The following AIG1 variants were observed in gnomAD, a reference collection of about 807,000 sequenced individuals.
AIG1 encodes the protein androgen induced 1, also known as androgen-induced gene 1 protein.
Under a neutral mutation model 31.4 loss-of-function variants are expected in AIG1, and 23 were observed. The ratio of observed to expected loss-of-function variants is 0.73; its 90% CI spans 0.53 to 1.04. AIG1 has a LOEUF of 1.04. Ranked by LOEUF, AIG1 falls within the 50% of genes least tolerant of loss-of-function variation. The pLI, the probability that AIG1 is intolerant of heterozygous loss-of-function variation, is 0.00. For missense variants in AIG1, 274 were observed against 295.0 expected (o/e 0.93, Z 0.52); for synonymous variants, 100 against 110.5 (o/e 0.90, Z 0.60).
intron 1 of AIG1, among the ~76,000 whole-genome samples, chr6:143,132,993 A>G (rs1440824012): frequency 6.6e-6 from 1 of 151,948 alleles, no homozygotes; most frequent in East Asian, 1.9e-4. Flanking sequence ...TATTTAATGC[A>G]CTTGTCTACC....
rs138191870 is a variant in AIG1 at position 143,325,973 on chromosome 6, C to T, written c.516-7309C>T. Among the ~76,000 whole-genome samples the T allele has an allele frequency of 1.8e-3, 276 of 152,224 alleles. No homozygotes were observed. Among genetic ancestry groups the T allele is most frequent in the Non-Finnish European group, 2.5e-3 (167 of 68,000 alleles). ...GCTACTGACCAACCAGCTTGCAAAC[C>T]ACCTAAAGATTTAACAACCAGCTCT... On this transcript the variant is annotated intron_variant, in intron 4 of 5. Coordinates refer to ENST00000357847, the MANE Select transcript of AIG1 (RefSeq NM_016108.4). The surrounding 1 kb of genome is among the most constrained non-coding windows in gnomAD (Gnocchi z 4.3).
At chr6:143,118,538 G>T (rs116038871) in intron 1 of AIG1, among the ~76,000 whole-genome samples, 2 of 151,798 alleles carry the variant, frequency 1.3e-5, no homozygotes, top group Non-Finnish European at 2.9e-5. Context: ...AAAAAATACC[G>T]AAAGATTGGA....
At position 143,280,652 on chromosome 6, in the gene AIG1, A is replaced by T. The variant is rs1197930643; in HGVS notation, c.400-3458A>T. On this transcript the variant is annotated intron_variant, in intron 3 of 5. Transcript: ENST00000357847. This position sits in a 1 kb window ranked among gnomAD's most constrained non-coding sequence, Gnocchi z 4.1. ...AACCAAACACCGCATGTTCTCACTT[A>T]TAAGTGGGAGCTAAATGATAAGAAC... 6.6e-6 allele frequency among the ~76,000 whole-genome samples: 1 copy of T among 152,220 alleles called. No homozygotes were observed. The highest frequency in any genetic ancestry group is 1.9e-4 in the East Asian group (1 of 5,200).
chr6:143,250,864 T>A (rs1794960196), intron 3 of AIG1, among the ~76,000 whole-genome samples: 1 of 152,186 alleles, frequency 6.6e-6, no homozygotes, highest in African/African-American at 2.4e-5. Flanking sequence ...CATTAGTGTA[T>A]TTTATGTGTG....
chr6:143,208,760 T>C (rs910261918), intron 3 of AIG1, among the ~76,000 whole-genome samples: 3 of 151,456 alleles, frequency 2.0e-5, no homozygotes, highest in Admixed American at 6.6e-5. Flanking sequence ...TTTTAGATAT[T>C]TTCCCCCCAG....
rs1364205852 is a variant in AIG1 at position 143,073,076 on chromosome 6, A to G, written c.141+12010A>G. ...CCTGGTAACCACTGTTTTGTTTTCT[A>G]TCTCTGTATATTTGAATTTTTTTTG... On this transcript the variant is annotated intron_variant, in intron 1 of 5. Transcript: ENST00000357847. Among the ~76,000 whole-genome samples, 6 of 152,024 alleles carry G rather than the reference A, an allele frequency of 3.9e-5. No homozygotes were observed. The East Asian group carries it at 9.7e-4, about 25-fold the overall frequency.
chr6:143,323,064 G>A (rs1018491195), intron 4 of AIG1, among the ~76,000 whole-genome samples: 1 of 152,072 alleles, frequency 6.6e-6, no homozygotes, highest in Non-Finnish European at 1.5e-5. Flanking sequence ...GGAAACTGAG[G>A]CTCAATGAAG....
intron 1 of AIG1, among the ~76,000 whole-genome samples, chr6:143,063,707 T>C (rs1308480612): frequency 6.6e-6 from 1 of 151,750 alleles, no homozygotes; most frequent in Non-Finnish European, 1.5e-5. Context: ...AAAATTGTAA[T>C]GTGAAGGCCC....
chr6:143,076,466 A>G (rs1292953653), intron 1 of AIG1, among the ~76,000 whole-genome samples: 1 of 152,112 alleles, frequency 6.6e-6, no homozygotes, highest in Non-Finnish European at 1.5e-5. Flanking sequence ...ACACATTTAA[A>G]GTGAATTTTT....
intron 1 of AIG1, among the ~76,000 whole-genome samples, chr6:143,079,479 G>A (rs1314438344): frequency 6.6e-6 from 1 of 152,134 alleles, no homozygotes; most frequent in Non-Finnish European, 1.5e-5. Flanking sequence ...AATTTTCAAA[G>A]TCCTCAGGCA....
intron 3 of AIG1, among the ~76,000 whole-genome samples, chr6:143,253,024 G>A (rs1298654258): frequency 6.6e-6 from 1 of 152,178 alleles, no homozygotes; most frequent in Non-Finnish European, 1.5e-5. Flanking sequence ...TCAAAGCCAA[G>A]GGAGGACACT....
At chr6:143,155,170 G>A (rs1279612092) in intron 2 of AIG1, among the ~76,000 whole-genome samples, 1 of 152,004 alleles carries the variant, frequency 6.6e-6, no homozygotes, top group Non-Finnish European at 1.5e-5. Context: ...AAAAATATAA[G>A]GCACGAAAAG....
intron 4 of AIG1, among the ~76,000 whole-genome samples, chr6:143,295,281 C>G (rs552936729): frequency 6.6e-6 from 1 of 152,196 alleles, no homozygotes; most frequent in East Asian, 1.9e-4. Context: ...TATCTCTCCT[C>G]TCAACCACTG....
At chr6:143,150,134 A>T (rs1293522091) in intron 2 of AIG1, among the ~76,000 whole-genome samples, 1 of 152,194 alleles carries the variant, frequency 6.6e-6, no homozygotes, top group African/African-American at 2.4e-5. Context: ...TAAATTTATA[A>T]TTGATTCCTC....
intron 1 of AIG1, among the ~76,000 whole-genome samples, chr6:143,101,412 A>G (rs1040594463): frequency 6.6e-6 from 1 of 152,202 alleles, no homozygotes; most frequent in Non-Finnish European, 1.5e-5. Context: ...CCAAGGAATT[A>G]TTGGTTGGGG....
intron 1 of AIG1, among the ~76,000 whole-genome samples, chr6:143,119,605 A>C (rs186340443): frequency 3.9e-4 from 60 of 152,330 alleles, no homozygotes; most frequent in African/African-American, 1.3e-3. Context: ...TTGTGTTTGC[A>C]GTAACTCATG....
chr6:143,150,134 A>G (rs1293522091), intron 2 of AIG1, among the ~76,000 whole-genome samples: 3 of 152,194 alleles, frequency 2.0e-5, no homozygotes, highest in African/African-American at 4.8e-5. Context: ...TAAATTTATA[A>G]TTGATTCCTC....
intron 4 of AIG1, among the ~76,000 whole-genome samples, chr6:143,304,779 T>C (rs185337623): frequency 0.076 from 11,621 of 152,130 alleles, 873 homozygotes; most frequent in Admixed American, 0.24. Context: ...TTCTATTGAT[T>C]GGAATAGTTT....
At chr6:143,255,120 A>C (rs953821079) in intron 3 of AIG1, among the ~76,000 whole-genome samples, 10 of 152,230 alleles carry the variant, frequency 6.6e-5, no homozygotes, top group Admixed American at 5.9e-4. Context: ...GCATGACTGC[A>C]TAGAAGAGCC....
Sources: gnomAD v4.1 joint callset for allele counts (sites outside exome capture counted in the v4.1 genomes callset) on GRCh38, gnomAD v4.1.1 for gene constraint, Gnocchi (gnomAD v3.1) non-coding constraint, MANE v1.5 for transcripts, NCBI Gene and HGNC (gene_info 2026-07-23, HGNC 2026-07-21) for gene names.